The following RSAD2 variants were observed in gnomAD, a reference collection of about 807,000 sequenced individuals.
RSAD2 encodes radical S-adenosyl methionine domain containing 2, also known as S-adenosylmethionine-dependent nucleotide dehydratase RSAD2.
Under a neutral mutation model 37.7 loss-of-function variants are expected in RSAD2, and 38 were observed. That is an observed-to-expected ratio of 1.01 (90% CI 0.78 to 1.32). The LOEUF (loss-of-function observed/expected upper bound fraction) is 1.32. RSAD2 is among the 40% of genes most tolerant of loss of function. RSAD2 has a pLI of 0.00. For synonymous variants in RSAD2, 163 were observed against 157.4 expected (o/e 1.04, Z -0.27); for missense variants, 428 against 437.5 (o/e 0.98, Z 0.19).
At chr2:6,876,408 G>T (rs1054802579), upstream of RSAD2, among the ~76,000 whole-genome samples, 22 of 152,148 alleles carry the variant, frequency 1.4e-4, no homozygotes, top group Non-Finnish European at 2.5e-4. Flanking sequence ...GACTTCAAAG[G>T]TTGCTCCAGC....
At chr2:6,882,779 G>T (rs1414743418) in intron 1 of RSAD2, among the ~76,000 whole-genome samples, 1 of 152,138 alleles carries the variant, frequency 6.6e-6, no homozygotes, top group African/African-American at 2.4e-5. Context: ...TACAAACGAG[G>T]GTGTTATCAG....
chr2:6,885,671 G>A (rs544342294), intron 2 of RSAD2, among the ~76,000 whole-genome samples: 24 of 152,314 alleles, frequency 1.6e-4, no homozygotes, highest in African/African-American at 5.8e-4. Flanking sequence ...CATAGCAAAA[G>A]TTGGAAAGGC....
chr2:6,883,318 A>AAAT (rs1663450580), intron 1 of RSAD2, 53 bp from the exon 2 acceptor site: 3 of 1,544,358 alleles, frequency 1.9e-6, no homozygotes, highest in Middle Eastern at 1.8e-4. Context: ...TTTGCTATTA[A>AAAT]AATAATAATG....
At chr2:6,890,467 C>A (rs1663608361) in intron 4 of RSAD2, 142 bp downstream of exon 4, 4 of 873,516 alleles carry the variant, frequency 4.6e-6, no homozygotes, top group Non-Finnish European at 7.0e-6. Context: ...CATGTCAGGG[C>A]AGATAGGGCT....
At chr2:6,865,948 C>T in exon 1 of RSAD2, 1 of 1,307,474 alleles carries the variant, frequency 7.6e-7, no homozygotes, top group Non-Finnish European at 1.0e-6. Context: ...ACGCTTGGCC[C>T]CGGGGCCCCA....
At chr2:6,884,208 A>G (rs1241498353) in intron 2 of RSAD2, among the ~76,000 whole-genome samples, 4 of 152,206 alleles carry the variant, frequency 2.6e-5, no homozygotes, top group Non-Finnish European at 5.9e-5. Context: ...AACTGCATTT[A>G]TAATCTGTTG....
chr2:6,887,432 T>TA (rs1263407198), intron 3 of RSAD2, among the ~76,000 whole-genome samples: 2 of 152,186 alleles, frequency 1.3e-5, no homozygotes, highest in African/African-American at 2.4e-5. Context: ...AGGATAAACA[T>TA]AAAAAAATAT....
In RSAD2 at chr2:6,882,776, G is replaced by A. The variant is rs151068004; in HGVS notation, c.347-595G>A. On this transcript the variant is annotated intron_variant, in intron 1 of 5. Transcript: ENST00000382040. ...CATGCACTTACAAAGGAGTACAAAC[G>A]AGGGTGTTATCAGGCCTCTGAACAA... is the stretch of plus-strand genomic sequence containing the variant. 3.9e-5 allele frequency among the ~76,000 whole-genome samples: 6 copies of A among 152,318 alleles called. No individual in the cohort carries two copies. The East Asian group carries it at 7.7e-4, about 20-fold the overall frequency.
intron 3 of RSAD2, among the ~76,000 whole-genome samples, chr2:6,889,692 A>T (rs1288796234): frequency 6.6e-6 from 1 of 152,230 alleles, no homozygotes; most frequent in Non-Finnish European, 1.5e-5. Flanking sequence ...TTGTTTACTT[A>T]AAAGACTGTT....
intron 4 of RSAD2, among the ~76,000 whole-genome samples, chr2:6,892,039 G>A (rs1053100792): frequency 6.6e-6 from 1 of 152,060 alleles, no homozygotes; most frequent in Non-Finnish European, 1.5e-5. Flanking sequence ...TTGGAGTAGT[G>A]GAATTATAAG....
At chr2:6,880,248 C>T (rs1663371946) in intron 1 of RSAD2, among the ~76,000 whole-genome samples, 1 of 152,114 alleles carries the variant, frequency 6.6e-6, no homozygotes, top group Non-Finnish European at 1.5e-5. Context: ...CAAAAGGTGG[C>T]TCCACAGTCA....
chr2:6,875,936 C>T (rs1201950159), upstream of RSAD2, among the ~76,000 whole-genome samples: 4 of 152,186 alleles, frequency 2.6e-5, no homozygotes, highest in Admixed American at 2.6e-4. Context: ...ATCAGAAACC[C>T]TTCCTGAACT....
Position 6,886,985 on chromosome 2 carries a change from G to T in RSAD2, c.559G>T (p.Val187Phe). Reference sequence around the variant, plus strand: ...CTCCTGTGACAGCTTTGACGAGGAAGTCAATGTCCTTATTGGCCGTGGCCA... The same window carrying T: ...CTCCTGTGACAGCTTTGACGAGGAATTCAATGTCCTTATTGGCCGTGGCCA... ...AISCDSFDEEVNVLIGRGQGK... is the reference protein window; with the variant it reads ...AISCDSFDEEFNVLIGRGQGK... Residue 187 changes from valine to phenylalanine, a missense_variant, in exon 3 of 6, where the codon GTC becomes TTC. Transcript: ENST00000382040. The T allele has an allele frequency of 6.2e-7, 1 of 1,614,210 alleles. No homozygotes were observed. The highest frequency in any genetic ancestry group is 8.5e-7 in the Non-Finnish European group (1 of 1,180,034).
chr2:6,878,179 T>A (rs763544941), intron 1 of RSAD2, 33 bp downstream of exon 1: 1 of 1,572,762 alleles, frequency 6.4e-7, no homozygotes. Context: ...AAATCAGGAT[T>A]CTCAACCACT....
chr2:6,887,051 A>C lies in RSAD2; in HGVS notation c.625A>C (p.Arg209=). The C allele has an allele frequency of 6.2e-7, 1 of 1,614,132 alleles. No homozygotes were observed. The highest frequency in any genetic ancestry group is 8.5e-7 in the Non-Finnish European group (1 of 1,179,948). ...TGTGGAAAACCTTCAAAAGCTGAGGAGGTGGTGTAGGGATTATAGAGTCGC... is the reference window on the plus strand; with the variant it reads ...TGTGGAAAACCTTCAAAAGCTGAGGCGGTGGTGTAGGGATTATAGAGTCGC... The part of the protein sequence containing the change: ...NHVENLQKLR[R]WCRDYRVAFK... The change falls in exon 3 of 6, where the codon AGG becomes CGG. Residue 209 remains arginine, a synonymous_variant. Transcript: ENST00000382040.
intron 1 of RSAD2, among the ~76,000 whole-genome samples, chr2:6,866,209 G>A (rs1052909077): frequency 6.6e-6 from 1 of 152,186 alleles, no homozygotes; most frequent in African/African-American, 2.4e-5. Flanking sequence ...ACTTGCAGGC[G>A]CACTACTGCC....
chr2:6,896,570 CT>C lies in RSAD2; in HGVS notation c.*633del, dbSNP rs1308996819. ...GCCTTTATGCCATTGCAGTCTTGTA[CT>C]TTTTACTGTGATGTACAGAAATAGT... On this transcript the variant is annotated 3_prime_UTR_variant, in exon 6 of 6. Coordinates refer to ENST00000382040, the MANE Select transcript of RSAD2 (RefSeq NM_080657.5). 1 of 143,192 alleles carries C rather than the reference CT, an allele frequency of 7.0e-6. No homozygotes were observed. Among genetic ancestry groups the C allele is most frequent in the Non-Finnish European group, 1.5e-5 (1 of 66,222 alleles). 8.9% of individuals were successfully genotyped at this position (143,192 alleles called of 1,614,324 possible). A position where few individuals can be genotyped will look rare whatever the true frequency, so the allele number is the denominator to read the frequency against.
At chr2:6,893,600 A>G in intron 4 of RSAD2, 71 bp from the exon 5 acceptor site, 1 of 1,192,998 alleles carries the variant, frequency 8.4e-7, no homozygotes, top group Non-Finnish European at 1.3e-6. Flanking sequence ...CAAACACTAC[A>G]GGTGGACAAT....
upstream of RSAD2, among the ~76,000 whole-genome samples, chr2:6,873,843 A>T (rs1412069887): frequency 6.6e-6 from 1 of 152,228 alleles, no homozygotes; most frequent in Non-Finnish European, 1.5e-5. Flanking sequence ...AATGATGCTT[A>T]ACTCCCTTTA....
Sources: allele counts gnomAD v4.1 joint callset (sites outside exome capture counted in the v4.1 genomes callset), GRCh38; gene constraint gnomAD v4.1.1; transcripts MANE v1.5; gene names NCBI Gene and HGNC (gene_info 2026-07-23, HGNC 2026-07-21).